The following VPS13B variants were observed in gnomAD, a reference collection of about 807,000 sequenced individuals.
VPS13B encodes intermembrane lipid transfer protein VPS13B.
VPS13B carries 285 observed loss-of-function variants against 426.4 expected under a neutral mutation model. The ratio of observed to expected loss-of-function variants is 0.67; its 90% CI spans 0.61 to 0.74. VPS13B has a LOEUF of 0.74. VPS13B is among the 30% of genes least tolerant of loss of function. The pLI is 0.00. For missense variants in VPS13B, 4,537 were observed against 4,782.6 expected (o/e 0.95, Z 1.51); for synonymous variants, 1,676 against 1,676.4 (o/e 1.00, Z 0.01).
rs746417103 is a variant in VPS13B at position 99,192,937 on chromosome 8, C to A, written c.2395C>A (p.Gln799Lys). Residue 799 changes from glutamine (Q) to lysine (K), a missense_variant, in exon 17 of 62, where the codon CAA (glutamine) becomes AAA (lysine). Physicochemically the swap from Gln to Lys is moderately conservative, Grantham distance 53. Coordinates refer to ENST00000357162, the MANE Select transcript of VPS13B (RefSeq NM_152564.5). ...ATTTGAACTTCCAAATCTCACAATT[C>A]AAGCTACAAGAGCACAGACACTTCT... ...GIFELPNLTI[Q>K]ATRAQTLLLQ... 1 of 1,613,628 alleles carries A rather than the reference C, an allele frequency of 6.2e-7. No individual in the cohort carries two copies. The highest frequency in any genetic ancestry group is 1.7e-5 in the Admixed American group (1 of 60,022).
chr8:99,048,514 T>C (rs545101799), intron 3 of VPS13B, among the ~76,000 whole-genome samples: 1 of 152,190 alleles, frequency 6.6e-6, no homozygotes, highest in East Asian at 1.9e-4. Flanking sequence ...GTAATTGTTT[T>C]ATAAATTTGG....
intron 19 of VPS13B, among the ~76,000 whole-genome samples, chr8:99,314,045 G>C (rs1228899632): frequency 6.6e-6 from 1 of 152,142 alleles, no homozygotes; most frequent in Non-Finnish European, 1.5e-5. Flanking sequence ...GGAGTGTCCT[G>C]ATTTTCCAGG....
intron 3 of VPS13B, among the ~76,000 whole-genome samples, chr8:99,069,600 T>C (rs1227594661): frequency 2.0e-5 from 3 of 152,230 alleles, no homozygotes; most frequent in African/African-American, 4.8e-5. Flanking sequence ...TACACAGATA[T>C]TTACATGTCT....
chr8:99,317,341 C>T (rs903307032), intron 19 of VPS13B, among the ~76,000 whole-genome samples: 1 of 152,042 alleles, frequency 6.6e-6, no homozygotes, highest in Non-Finnish European at 1.5e-5. Context: ...TTAGCATATC[C>T]ATCACCTCAA....
In VPS13B at chr8:99,778,936, C is replaced by G. The variant is rs1001869077; in HGVS notation, c.7684C>G (p.Leu2562Val). ...AGTTTCCAGCGATGTAGTGGAAAAG[C>G]TGCTTGACTGCACCGTGATAGTTGA... ...MAVSSDVVEK[L>V]LDCTVIVDSV... The change falls in exon 42 of 62, where the codon CTG (leucine) becomes GTG (valine). Residue 2562 changes from leucine (L) to valine (V), a missense_variant. Physicochemically the swap from Leu to Val is conservative, Grantham distance 32. Coordinates refer to ENST00000357162, the MANE Select transcript of VPS13B (RefSeq NM_152564.5). The G allele has an allele frequency of 6.2e-7, 1 of 1,613,868 alleles. No individual in the cohort carries two copies. The highest frequency in any genetic ancestry group is 1.3e-5 in the African/African-American group (1 of 74,920).
intron 33 of VPS13B, among the ~76,000 whole-genome samples, chr8:99,582,911 T>C (rs887122817): frequency 7.2e-5 from 11 of 152,226 alleles, no homozygotes; most frequent in African/African-American, 2.7e-4. Context: ...TGCCTTGGCC[T>C]CCCAAAGTTC....
In VPS13B at chr8:99,074,392, C is replaced by G. The variant is rs949549673; in HGVS notation, c.292-21920C>G. 6.6e-5 allele frequency among the ~76,000 whole-genome samples: 10 copies of G among 151,356 alleles called. No individual in the cohort carries two copies. The South Asian group carries it at 1.7e-3, about 25-fold the overall frequency. On this transcript the variant is annotated intron_variant, in intron 3 of 61. Coordinates refer to ENST00000357162, the MANE Select transcript of VPS13B (RefSeq NM_152564.5). ...TGTATGTTGAATCGTCCTTTCATCCCTTAAGTAAATCCTACCTGATTAGGA... is the reference window on the plus strand; with the variant it reads ...TGTATGTTGAATCGTCCTTTCATCCGTTAAGTAAATCCTACCTGATTAGGA...
chr8:99,034,428 T>A (rs895535378), intron 2 of VPS13B, among the ~76,000 whole-genome samples: 9 of 151,536 alleles, frequency 5.9e-5, no homozygotes, highest in East Asian at 3.9e-4. Context: ...TTTTTTTTTT[T>A]AAATTCTCTA....
At chr8:99,308,772 G>T (rs1368549596) in intron 19 of VPS13B, among the ~76,000 whole-genome samples, 3 of 152,280 alleles carry the variant, frequency 2.0e-5, no homozygotes, top group African/African-American at 7.2e-5. Flanking sequence ...TTCCACAATG[G>T]TTGAACTAGT....
intron 17 of VPS13B, among the ~76,000 whole-genome samples, chr8:99,222,730 A>G (rs985135368): frequency 1.3e-5 from 2 of 152,094 alleles, no homozygotes; most frequent in Non-Finnish European, 2.9e-5. Flanking sequence ...ATATACCTCA[A>G]TTTTTTCATG....
At chr8:99,174,332 A>G (rs916913903) in intron 16 of VPS13B, among the ~76,000 whole-genome samples, 3 of 152,150 alleles carry the variant, frequency 2.0e-5, no homozygotes, top group Non-Finnish European at 2.9e-5. Flanking sequence ...TATTTTGAGT[A>G]TATACCTAGA....
At chr8:99,289,821 A>G (rs1220722742) in intron 19 of VPS13B, among the ~76,000 whole-genome samples, 1 of 152,134 alleles carries the variant, frequency 6.6e-6, no homozygotes, top group Non-Finnish European at 1.5e-5. Flanking sequence ...ATTAATCATC[A>G]GTTATCCTAA....
chr8:99,701,462 T>G (rs1832277880), intron 36 of VPS13B, among the ~76,000 whole-genome samples: 2 of 152,218 alleles, frequency 1.3e-5, no homozygotes, highest in Admixed American at 1.3e-4. Flanking sequence ...TTATCCATGT[T>G]TAATGATGTC....
rs372598506 is a variant in VPS13B at position 99,329,077 on chromosome 8, C to G, written c.2824+53823C>G. Among the ~76,000 whole-genome samples the G allele has an allele frequency of 6.8e-4, 104 of 152,252 alleles. 1 individual carries two copies. The South Asian group carries it at 0.022, about 32-fold the overall frequency. ...ACATGCCTATATATGTAAGTACCCT[C>G]TTTTGAAAAGTCTAGCTCATGATGA... On this transcript the variant is annotated intron_variant, in intron 19 of 61. Transcript: ENST00000357162.
chr8:99,365,060 G>A (rs533878938), intron 19 of VPS13B, among the ~76,000 whole-genome samples: 126 of 151,254 alleles, frequency 8.3e-4, no homozygotes, highest in African/African-American at 2.7e-3. Flanking sequence ...CTAATTTATT[G>A]TTATATAGTT....
At chr8:99,786,194 A>G (rs1304303377) in intron 43 of VPS13B, among the ~76,000 whole-genome samples, 1 of 152,154 alleles carries the variant, frequency 6.6e-6, no homozygotes, top group African/African-American at 2.4e-5. Context: ...GAATGAATAG[A>G]CAACCACTGT....
At chr8:99,074,451 T>G (rs893782822) in intron 3 of VPS13B, among the ~76,000 whole-genome samples, 1 of 149,766 alleles carries the variant, frequency 6.7e-6, no homozygotes, top group African/African-American at 2.5e-5. Context: ...GAGCTTGCAG[T>G]GAGCCGAGAT....
At chr8:99,213,346 C>A (rs1815208232) in intron 17 of VPS13B, among the ~76,000 whole-genome samples, 1 of 151,902 alleles carries the variant, frequency 6.6e-6, no homozygotes, top group Non-Finnish European at 1.5e-5. Flanking sequence ...TTTTAATAAT[C>A]AAATATAACA....
chr8:99,693,936 C>T (rs1158269488), intron 35 of VPS13B, among the ~76,000 whole-genome samples: 171 of 112,456 alleles, frequency 1.5e-3, no homozygotes, highest in African/African-American at 5.3e-3. Flanking sequence ...TGAGTGAACT[C>T]CCATTCACAA....
Sources: allele counts gnomAD v4.1 joint callset (sites outside exome capture counted in the v4.1 genomes callset), GRCh38; gene constraint gnomAD v4.1.1; transcripts MANE v1.5; gene names NCBI Gene and HGNC (gene_info 2026-07-23, HGNC 2026-07-21).